Variants in FSTL4 observed in about 807,000 individuals in gnomAD.
FSTL4 encodes follistatin-related protein 4.
A neutral mutation model predicts 78.2 loss-of-function variants in FSTL4; 28 were observed. The ratio of observed to expected loss-of-function variants is 0.36; its 90% CI spans 0.27 to 0.49. FSTL4 has a LOEUF of 0.49. Among genes scored for constraint, FSTL4 ranks in the 20% least tolerant of loss-of-function variants. FSTL4 has a pLI of 0.98. For missense variants in FSTL4, 922 were observed against 1,084.9 expected, an observed-to-expected ratio of 0.85 and a Z score of 2.11; for synonymous variants, 422 against 440.5, an observed-to-expected ratio of 0.96 and a Z score of 0.53.
chr5:133,511,677 A>T (rs1758733950), intron 3 of FSTL4, among the ~76,000 whole-genome samples: 1 of 152,176 alleles, frequency 6.6e-6, no homozygotes, highest in African/African-American at 2.4e-5. Flanking sequence ...AGTTTGCCCC[A>T]ATAAAAGTGA....
upstream of FSTL4, among the ~76,000 whole-genome samples, chr5:133,617,186 C>T (rs1393319538): frequency 1.3e-5 from 2 of 151,186 alleles, no homozygotes; most frequent in Non-Finnish European, 2.9e-5. Flanking sequence ...ATAGTCTCAG[C>T]TACTCAGGAG....
chr5:133,809,458 C>T, the FSTL4 span, among the ~76,000 whole-genome samples: 16 of 151,162 alleles, frequency 1.1e-4, no homozygotes, highest in Non-Finnish European at 1.3e-4. Flanking sequence ...TCTTTTGCTA[C>T]CCCCAAAGCT....
At chr5:133,531,076 A>G in intron 3 of FSTL4, among the ~76,000 whole-genome samples, 1 of 152,116 alleles carries the variant, frequency 6.6e-6, no homozygotes, top group Middle Eastern at 3.2e-3. Flanking sequence ...TTGCCGGGAG[A>G]GCGAATGCAG....
chr5:133,681,903 C>T, the FSTL4 span, among the ~76,000 whole-genome samples: 274 of 152,198 alleles, frequency 1.8e-3, no homozygotes, highest in Middle Eastern at 0.014. Flanking sequence ...AAATGAGACC[C>T]GGAGGATGCA....
rs1356464463 is a variant in FSTL4, at chr5:133,611,156, C to A, written c.-11+1169G>T. The stretch of plus-strand genomic sequence containing the variant: ...CATCAGTGTCGGCGGCCCGCGGCCG[C>A]GAGCGAGGGCTGCTGGACAGCGCCC... On this transcript the variant is annotated intron_variant, in intron 1 of 15. Coordinates refer to ENST00000265342, the MANE Select transcript of FSTL4 (RefSeq NM_015082.2). This position sits in a 1 kb window ranked among gnomAD's most constrained non-coding sequence, Gnocchi z 4.9. Among the ~76,000 whole-genome samples, 1 of 151,924 alleles carries A rather than the reference C, an allele frequency of 6.6e-6. No individual in the cohort carries two copies. Among genetic ancestry groups the A allele is most frequent in the African/African-American group, 2.4e-5 (1 of 41,388 alleles).
At chr5:133,605,779 C>T (rs538292341) in intron 1 of FSTL4, among the ~76,000 whole-genome samples, 169 of 152,204 alleles carry the variant, frequency 1.1e-3, no homozygotes, top group Non-Finnish European at 1.9e-3. Flanking sequence ...TCTGTTTCTT[C>T]GGTCACTCAT....
chr5:133,679,096 T>C, the FSTL4 span, among the ~76,000 whole-genome samples: 9 of 152,272 alleles, frequency 5.9e-5, no homozygotes, highest in African/African-American at 2.2e-4. Context: ...GGCTTCCCTA[T>C]GCCCTCTCCC....
At chr5:133,715,281 TGCTGTTGCAGTCTTTAGAA>T in the FSTL4 span, among the ~76,000 whole-genome samples, 7 of 152,378 alleles carry the variant, frequency 4.6e-5, no homozygotes, top group Non-Finnish European at 8.8e-5. Context: ...TCCAGCTTGA[TGCTGTTGCAGTCTTTAGAA>T]GCTGAAACCT....
intron 4 of FSTL4, among the ~76,000 whole-genome samples, chr5:133,360,932 G>A (rs1405227348): frequency 6.6e-6 from 1 of 152,160 alleles, no homozygotes; most frequent in Non-Finnish European, 1.5e-5. Flanking sequence ...CATTTACCGT[G>A]TATTCCTAAA....
chr5:133,242,531 CTTCCCCTAAGGCT>C (rs1290835778), intron 7 of FSTL4, among the ~76,000 whole-genome samples: 1 of 152,092 alleles, frequency 6.6e-6, no homozygotes, highest in Admixed American at 6.5e-5. Flanking sequence ...GAGGCCAGGG[CTTCCCCTAAGGCT>C]TTCCCCTAAG....
chr5:133,497,758 TGC>T (rs1442884347), intron 3 of FSTL4, among the ~76,000 whole-genome samples: 2 of 152,216 alleles, frequency 1.3e-5, no homozygotes, highest in Non-Finnish European at 2.9e-5. Flanking sequence ...TTTTCCCCCT[TGC>T]TCTTTAAATG....
At chr5:133,388,997 T>C (rs1755774760) in intron 4 of FSTL4, among the ~76,000 whole-genome samples, 1 of 152,234 alleles carries the variant, frequency 6.6e-6, no homozygotes, top group Non-Finnish European at 1.5e-5. Flanking sequence ...TTTCAGGTTC[T>C]TTATATTCTT....
chr5:133,211,053 C>G (rs1027164877), intron 13 of FSTL4: 2 of 152,234 alleles, frequency 1.3e-5, no homozygotes, highest in Non-Finnish European at 2.9e-5. Context: ...TATCACCCCT[C>G]TCTATCTATC....
intron 4 of FSTL4, among the ~76,000 whole-genome samples, chr5:133,373,269 A>C (rs1755356100): frequency 6.6e-6 from 1 of 152,236 alleles, no homozygotes; most frequent in African/African-American, 2.4e-5. Context: ...CTCTGCAGCC[A>C]ACAAGAGCTG....
the FSTL4 span, among the ~76,000 whole-genome samples, chr5:133,682,205 C>T: frequency 6.6e-6 from 1 of 152,196 alleles, no homozygotes; most frequent in Non-Finnish European, 1.5e-5. Flanking sequence ...TGACATCCAT[C>T]AGAGTGGAAC....
In FSTL4 at chr5:133,199,239, C is replaced by T. The variant is rs1181820571; in HGVS notation, c.2385G>A (p.Met795Ile). ...AQPWGGTHRI[M>I]RDSGLFGQYL... ...ACTGTCCAAACAGCCCACTGTCCCT[C>T]ATGATTCTGTGGGTACCCCCCCAGG... is the stretch of plus-strand genomic sequence containing the variant. The change falls in exon 16 of 16, where the codon ATG becomes ATA. Residue 795 changes from methionine (M) to isoleucine (I), a missense_variant. Coordinates refer to ENST00000265342, the MANE Select transcript of FSTL4 (RefSeq NM_015082.2). This position sits in a 1 kb window ranked among gnomAD's most constrained non-coding sequence, Gnocchi z 4.4. The T allele has an allele frequency of 6.2e-7, 1 of 1,613,742 alleles. No homozygotes were observed. Among genetic ancestry groups the T allele is most frequent in the Non-Finnish European group, 8.5e-7 (1 of 1,179,646 alleles).
intron 2 of FSTL4, among the ~76,000 whole-genome samples, chr5:133,573,601 A>G (rs1760208478): frequency 6.6e-6 from 1 of 152,198 alleles, no homozygotes; most frequent in South Asian, 2.1e-4. Context: ...CTAAGAGGAG[A>G]ATTTTTTTAA....
intron 6 of FSTL4, among the ~76,000 whole-genome samples, chr5:133,268,745 C>T (rs1054535154): frequency 1.3e-5 from 2 of 152,024 alleles, no homozygotes; most frequent in Admixed American, 6.5e-5. Context: ...TGAAGGTATC[C>T]GATGGTATAC....
the FSTL4 span, among the ~76,000 whole-genome samples, chr5:133,840,718 A>T: frequency 2.0e-5 from 3 of 152,354 alleles, no homozygotes; most frequent in African/African-American, 7.2e-5. Flanking sequence ...TCTACACAGG[A>T]TTTGAGAATG....
Sources: gnomAD v4.1 joint callset for allele counts (sites outside exome capture counted in the v4.1 genomes callset) on GRCh38, gnomAD v4.1.1 for gene constraint, Gnocchi (gnomAD v3.1) non-coding constraint, MANE v1.5 for transcripts, NCBI Gene and HGNC (gene_info 2026-07-23, HGNC 2026-07-21) for gene names.